MAPK10: variants seen among roughly 807,000 people sequenced by gnomAD.
MAPK10 encodes the protein JNK3 alpha protein kinase.
A neutral mutation model predicts 59.3 loss-of-function variants in MAPK10; 25 were observed. That is an observed-to-expected ratio of 0.42 (90% CI 0.31 to 0.59). The LOEUF (loss-of-function observed/expected upper bound fraction) is 0.59. Among genes scored for constraint, MAPK10 ranks in the 20% least tolerant of loss-of-function variants. MAPK10 has a pLI of 0.15. For missense variants in MAPK10, 351 were observed against 568.9 expected (o/e 0.62, Z 3.90); for synonymous variants, 190 against 200.5 (o/e 0.95, Z 0.44).
chr4:86,162,432 T>C (rs995728981), intron 3 of MAPK10, among the ~76,000 whole-genome samples: 1 of 151,992 alleles, frequency 6.6e-6, no homozygotes, highest in African/African-American at 2.4e-5. Context: ...ATAACAAAGG[T>C]AATGCCAGTC....
rs888429534 is a variant in MAPK10 at position 86,552,699 on chromosome 4, G to C, written c.-263+41211C>G. On this transcript the variant is annotated intron_variant, in intron 1 of 4. Coordinates refer to the MAPK10 transcript ENST00000502302. Reference sequence around the variant, plus strand: ...TTATTTTTTCAAGGATATTTTTATAGAGAACAATTTTGGAAAAAGAGAGTG... The same window carrying C: ...TTATTTTTTCAAGGATATTTTTATACAGAACAATTTTGGAAAAAGAGAGTG... 2.6e-5 allele frequency among the ~76,000 whole-genome samples: 4 copies of C among 152,096 alleles called. No homozygotes were observed. In the South Asian group the frequency reaches 8.3e-4, roughly 31 times the overall value.
At chr4:86,293,890 C>A (rs13129988) in intron 2 of MAPK10, among the ~76,000 whole-genome samples, 3,161 of 152,190 alleles carry the variant, frequency 0.021, 57 homozygotes, top group Non-Finnish European at 0.032. Flanking sequence ...CCCACCAGGC[C>A]CCACCTCCAA....
intron 4 of MAPK10, among the ~76,000 whole-genome samples, chr4:86,141,414 A>G (rs1401872259): frequency 6.6e-6 from 1 of 152,148 alleles, no homozygotes; most frequent in Non-Finnish European, 1.5e-5. Context: ...ATCTTTATTC[A>G]GTGTGGGGGA....
intron 1 of MAPK10, among the ~76,000 whole-genome samples, chr4:86,447,454 T>C (rs1019237990): frequency 6.6e-6 from 1 of 152,222 alleles, no homozygotes; most frequent in Non-Finnish European, 1.5e-5. Context: ...CTAATACACA[T>C]ACTGTATAAA....
At chr4:86,450,544 C>T (rs963983990) in intron 1 of MAPK10, among the ~76,000 whole-genome samples, 4 of 151,958 alleles carry the variant, frequency 2.6e-5, no homozygotes, top group African/African-American at 9.7e-5. Flanking sequence ...AATTGAAATC[C>T]TTCAATTATC....
intron 1 of MAPK10, among the ~76,000 whole-genome samples, chr4:86,503,813 T>C (rs1484510515): frequency 6.6e-6 from 1 of 152,120 alleles, no homozygotes; most frequent in East Asian, 1.9e-4. Context: ...CTATATAATA[T>C]GGCTGGCTAT....
intron 3 of MAPK10, chr4:86,171,046 A>G (rs1407121175): frequency 6.6e-6 from 1 of 152,196 alleles, no homozygotes; most frequent in African/African-American, 2.4e-5. Flanking sequence ...GACACAACAT[A>G]CCGGAATCTC....
chr4:86,447,334 G>A (rs1057496847), intron 1 of MAPK10, among the ~76,000 whole-genome samples: 1 of 152,088 alleles, frequency 6.6e-6, no homozygotes, highest in African/African-American at 2.4e-5. Context: ...CACCATGATT[G>A]TAAATTTCCT....
intron 1 of MAPK10, among the ~76,000 whole-genome samples, chr4:86,392,672 C>T (rs1742393442): frequency 6.6e-6 from 1 of 151,864 alleles, no homozygotes; most frequent in South Asian, 2.1e-4. Context: ...ATCCTCAGTA[C>T]TAAGGATAGT....
intron 1 of MAPK10, among the ~76,000 whole-genome samples, chr4:86,429,093 A>G (rs1747690103): frequency 6.6e-6 from 1 of 152,192 alleles, no homozygotes; most frequent in Admixed American, 6.5e-5. Flanking sequence ...TTGGTATATT[A>G]TCAATATTTT....
intron 4 of MAPK10, among the ~76,000 whole-genome samples, chr4:86,109,252 G>T (rs1479027784): frequency 6.6e-6 from 1 of 152,074 alleles, no homozygotes; most frequent in Non-Finnish European, 1.5e-5. Context: ...AAAGTTCCTG[G>T]GTACATGTGC....
intron 1 of MAPK10, among the ~76,000 whole-genome samples, chr4:86,478,178 T>C (rs1753280816): frequency 6.6e-6 from 1 of 152,196 alleles, no homozygotes; most frequent in South Asian, 2.1e-4. Flanking sequence ...AAAACCATTA[T>C]ATAAACTCAT....
intron 4 of MAPK10, among the ~76,000 whole-genome samples, chr4:86,136,550 G>A (rs1274214073): frequency 6.7e-6 from 1 of 150,322 alleles, no homozygotes; most frequent in Non-Finnish European, 1.5e-5. Context: ...AACATGGAAA[G>A]GAACAACCAG....
intron 1 of MAPK10, among the ~76,000 whole-genome samples, chr4:86,529,611 TACTTG>T (rs1326856686): frequency 6.6e-6 from 1 of 152,062 alleles, no homozygotes; most frequent in African/African-American, 2.4e-5. Context: ...CTCTCTCACA[TACTTG>T]ACTTGAGAGA....
intron 10 of MAPK10, among the ~76,000 whole-genome samples, chr4:86,066,545 C>G (rs571441846): frequency 6.6e-6 from 1 of 152,002 alleles, no homozygotes; most frequent in Admixed American, 6.5e-5. Context: ...GGCAGGCAGA[C>G]CACGAAGTCA....
intron 1 of MAPK10, among the ~76,000 whole-genome samples, chr4:86,433,555 C>CTTCTT (rs1424833074): frequency 2.0e-5 from 2 of 97,612 alleles, no homozygotes; most frequent in African/African-American, 8.0e-5. Flanking sequence ...GGGCCTTCTT[C>CTTCTT]TTTTTTTTTT....
intron 2 of MAPK10, among the ~76,000 whole-genome samples, chr4:86,325,287 G>T (rs2095997893): frequency 6.6e-6 from 1 of 152,150 alleles, no homozygotes; most frequent in Non-Finnish European, 1.5e-5. Context: ...GGGTGCCCAG[G>T]CACTTTTACA....
Position 86,107,328 on chromosome 4 carries a change from G to A in MAPK10, c.261C>T (p.Asp87=). 1 of 1,613,146 alleles carries A rather than the reference G, an allele frequency of 6.2e-7. No individual in the cohort carries two copies. The highest frequency in any genetic ancestry group is 8.5e-7 in the Non-Finnish European group (1 of 1,179,386). Residue 87 remains aspartate (D), a synonymous_variant, in exon 5 of 14, where the codon GAC becomes GAT. Transcript: ENST00000641462. Reference sequence around the variant, plus strand: ...TGAGCTTCTTAATGGCCACATTTCTGTCAAGGACAGCATCATACGCGGCAC... The same window carrying A: ...TGAGCTTCTTAATGGCCACATTTCTATCAAGGACAGCATCATACGCGGCAC... ...IVCAAYDAVL[D]RNVAIKKLSR... is the part of the protein sequence containing the mutation.
At chr4:86,303,790 C>T (rs951345058) in intron 2 of MAPK10, among the ~76,000 whole-genome samples, 2 of 152,184 alleles carry the variant, frequency 1.3e-5, no homozygotes, top group Admixed American at 1.3e-4. Context: ...TTTATAACCG[C>T]TACTGGACAA....
Sources: allele counts gnomAD v4.1 joint callset (sites outside exome capture counted in the v4.1 genomes callset), GRCh38; gene constraint gnomAD v4.1.1; transcripts MANE v1.5; gene names NCBI Gene and HGNC (gene_info 2026-07-23, HGNC 2026-07-21).